FGF12: variants seen among roughly 807,000 people sequenced by gnomAD.
FGF12 encodes the protein fibroblast growth factor 12.
FGF12 carries 14 observed loss-of-function variants against 23.6 expected under a neutral mutation model. The ratio of observed to expected loss-of-function variants is 0.59; its 90% CI spans 0.39 to 0.93. The LOEUF is 0.93. Ranked by LOEUF, FGF12 falls within the 40% of genes least tolerant of loss-of-function variation. The pLI is 0.00. For missense variants in FGF12, 175 were observed against 217.8 expected, an observed-to-expected ratio of 0.80 and a Z score of 1.24; for synonymous variants, 62 against 77.3, an observed-to-expected ratio of 0.80 and a Z score of 1.04.
intron 2 of FGF12, among the ~76,000 whole-genome samples, chr3:192,474,810 G>A (rs1005097242): frequency 6.6e-6 from 1 of 151,454 alleles, no homozygotes; most frequent in Non-Finnish European, 1.5e-5. Context: ...GCTTGAACCC[G>A]GGAGGTAGAG....
intron 5 of FGF12, among the ~76,000 whole-genome samples, chr3:192,147,246 C>A (rs915636699): frequency 6.6e-6 from 1 of 152,054 alleles, no homozygotes. Flanking sequence ...ATTTACAGGA[C>A]CTAGGATTCA....
intron 2 of FGF12, among the ~76,000 whole-genome samples, chr3:192,704,530 G>A (rs1263571143): frequency 6.6e-6 from 1 of 152,144 alleles, no homozygotes; most frequent in Non-Finnish European, 1.5e-5. Flanking sequence ...AGGATTTGTT[G>A]TTCCATTTAT....
At chr3:192,444,950 A>C (rs1722307978) in intron 2 of FGF12, among the ~76,000 whole-genome samples, 2 of 152,336 alleles carry the variant, frequency 1.3e-5, no homozygotes, top group South Asian at 4.1e-4. Context: ...CTTTAAATAA[A>C]AGATTTGTAA....
chr3:192,672,309 G>C (rs1717152711), intron 2 of FGF12, among the ~76,000 whole-genome samples: 1 of 151,148 alleles, frequency 6.6e-6, no homozygotes, highest in African/African-American at 2.4e-5. Context: ...AGATTTTCCT[G>C]TTGTCATAAA....
At chr3:192,243,987 T>G (rs1211322285) in intron 4 of FGF12, among the ~76,000 whole-genome samples, 1 of 152,078 alleles carries the variant, frequency 6.6e-6, no homozygotes, top group African/African-American at 2.4e-5. Context: ...TAAAACCACA[T>G]ATCATAAATA....
intron 2 of FGF12, among the ~76,000 whole-genome samples, chr3:192,724,369 T>C (rs868130413): frequency 1.5e-4 from 23 of 152,174 alleles, no homozygotes; most frequent in African/African-American, 5.3e-4. Context: ...GAAACATATA[T>C]GCTTTTTTCT....
rs536315321 is a variant in FGF12 at position 192,324,611 on chromosome 3, A to G, written c.228+10750T>C. On this transcript the variant is annotated intron_variant, in intron 4 of 5. Transcript: ENST00000445105. ...AATCTAGAAAGTTAAAAAACTTTCC[A>G]ATTTTTTCACAAAGGAAGTAAGTTA... 3.3e-5 allele frequency among the ~76,000 whole-genome samples: 5 copies of G among 152,352 alleles called. No homozygotes were observed. In the East Asian group the frequency reaches 9.6e-4, roughly 29 times the overall value.
intron 5 of FGF12, among the ~76,000 whole-genome samples, chr3:192,164,411 C>T (rs28499244): frequency 0.019 from 2,848 of 152,216 alleles, 75 homozygotes; most frequent in African/African-American, 0.063. Context: ...CCCTCATCAA[C>T]GCTCCTGTTC....
At chr3:192,700,893 T>C (rs111259048) in intron 2 of FGF12, among the ~76,000 whole-genome samples, 87 of 152,298 alleles carry the variant, frequency 5.7e-4, no homozygotes, top group South Asian at 4.6e-3. Context: ...CTGAAAGAAA[T>C]TGAAGTATGT....
intron 4 of FGF12, among the ~76,000 whole-genome samples, chr3:192,185,748 T>A (rs1162361390): frequency 6.6e-6 from 1 of 151,600 alleles, no homozygotes; most frequent in East Asian, 1.9e-4. Flanking sequence ...TAATCCCAGC[T>A]ACTCGGGAGG....
At chr3:192,284,556 G>A (rs1024548694) in intron 4 of FGF12, among the ~76,000 whole-genome samples, 1 of 152,024 alleles carries the variant, frequency 6.6e-6, no homozygotes, top group Non-Finnish European at 1.5e-5. Context: ...AAAATAGGAA[G>A]AACAAAATGT....
At chr3:192,656,831 T>C (rs775326120) in intron 2 of FGF12, among the ~76,000 whole-genome samples, 1 of 152,230 alleles carries the variant, frequency 6.6e-6, no homozygotes, top group Non-Finnish European at 1.5e-5. Context: ...GCTTCCAATG[T>C]ATTTTTTGTT....
chr3:192,484,013 G>A (rs79940404), intron 2 of FGF12, among the ~76,000 whole-genome samples: 3,269 of 152,128 alleles, frequency 0.021, 90 homozygotes, highest in African/African-American at 0.073. Context: ...AAAAAAAATT[G>A]TAGGATATTA....
chr3:192,474,406 C>T (rs1723258602), intron 2 of FGF12, among the ~76,000 whole-genome samples: 1 of 152,108 alleles, frequency 6.6e-6, no homozygotes, highest in Non-Finnish European at 1.5e-5. Flanking sequence ...AAGCACATAA[C>T]CCAGATTTGG....
chr3:192,250,593 G>A (rs532659814), intron 4 of FGF12, among the ~76,000 whole-genome samples: 1 of 152,076 alleles, frequency 6.6e-6, no homozygotes, highest in Admixed American at 6.6e-5. Context: ...CTACCTAATT[G>A]CTGCTAACAA....
intron 2 of FGF12, among the ~76,000 whole-genome samples, chr3:192,599,625 G>A (rs1193782858): frequency 1.3e-5 from 2 of 151,998 alleles, no homozygotes; most frequent in African/African-American, 2.4e-5. Context: ...TTATAATGGA[G>A]GGAAGATTTA....
At chr3:192,490,498 T>C (rs994845445) in intron 2 of FGF12, among the ~76,000 whole-genome samples, 7 of 151,958 alleles carry the variant, frequency 4.6e-5, no homozygotes, top group Non-Finnish European at 7.4e-5. Flanking sequence ...TGTATGTATG[T>C]GTATACACAC....
At chr3:192,711,424 G>T (rs1411575054) in intron 2 of FGF12, among the ~76,000 whole-genome samples, 2 of 150,234 alleles carry the variant, frequency 1.3e-5, no homozygotes, top group African/African-American at 4.8e-5. Context: ...CCTCTGCCCG[G>T]CCGCCACCCC....
At chr3:192,344,251 T>C (rs1244637995) in intron 3 of FGF12, among the ~76,000 whole-genome samples, 1 of 152,214 alleles carries the variant, frequency 6.6e-6, no homozygotes, top group Non-Finnish European at 1.5e-5. Flanking sequence ...AGTGTTTTTG[T>C]TCTCATTGTT....
Sources: gnomAD v4.1 joint callset for allele counts (sites outside exome capture counted in the v4.1 genomes callset) on GRCh38, gnomAD v4.1.1 for gene constraint, MANE v1.5 for transcripts, NCBI Gene and HGNC (gene_info 2026-07-23, HGNC 2026-07-21) for gene names.